The following VAPA variants were observed in gnomAD, a reference collection of about 807,000 sequenced individuals.
The protein encoded by VAPA is vesicle-associated membrane protein-associated protein A.
VAPA carries 6 observed loss-of-function variants against 25.6 expected under a neutral mutation model. The observed-to-expected ratio is 0.23, with a 90% CI of 0.13 to 0.46. VAPA has a LOEUF of 0.46. VAPA is among the 20% of genes least tolerant of loss of function. The pLI, the probability that VAPA is intolerant of heterozygous loss-of-function variation, is 0.99. For missense variants in VAPA, 244 were observed against 302.1 expected (o/e 0.81, Z 1.43); for synonymous variants, 112 against 106.2 (o/e 1.05, Z -0.34).
intron 1 of VAPA, among the ~76,000 whole-genome samples, chr18:9,929,690 T>A (rs928159148): frequency 6.6e-6 from 1 of 152,158 alleles, no homozygotes; most frequent in Non-Finnish European, 1.5e-5. Context: ...CATCAGTACT[T>A]GATAATTTTC....
chr18:9,941,224 G>A (rs945541708), intron 4 of VAPA, among the ~76,000 whole-genome samples: 3 of 152,036 alleles, frequency 2.0e-5, no homozygotes, highest in Admixed American at 1.3e-4. Context: ...CACTGTTGTA[G>A]TATTAACTAC....
intron 1 of VAPA, among the ~76,000 whole-genome samples, chr18:9,927,763 T>C (rs1357907047): frequency 1.3e-5 from 2 of 152,108 alleles, no homozygotes; most frequent in Non-Finnish European, 2.9e-5. Flanking sequence ...TCAGACTTTT[T>C]TACTCAAAGG....
At chr18:9,918,856 T>C (rs1345094982) in intron 1 of VAPA, among the ~76,000 whole-genome samples, 1 of 152,196 alleles carries the variant, frequency 6.6e-6, no homozygotes. Context: ...ACTCAAAATA[T>C]CTCAAAATTT....
chr18:9,952,089 A>C (rs992238753), intron 5 of VAPA, among the ~76,000 whole-genome samples: 5 of 152,126 alleles, frequency 3.3e-5, no homozygotes, highest in Non-Finnish European at 5.9e-5. Context: ...GCCACTGTTT[A>C]CCTCTGGCAG....
Position 9,937,418 on chromosome 18 carries a change from A to G in VAPA, c.417+352A>G, listed in dbSNP as rs568226654. Reference sequence around the variant, plus strand: ...ACATATAAATTGCTTTTTGGCCACTATGTACCGGCAGTTTGGGGATAAATT... The same window carrying G: ...ACATATAAATTGCTTTTTGGCCACTGTGTACCGGCAGTTTGGGGATAAATT... On this transcript the variant is annotated intron_variant, in intron 4 of 5. Coordinates refer to ENST00000400000, the MANE Select transcript of VAPA (RefSeq NM_194434.3). 2.0e-5 allele frequency among the ~76,000 whole-genome samples: 3 copies of G among 152,172 alleles called. No homozygotes were observed. The East Asian group carries it at 5.8e-4, about 29-fold the overall frequency.
intron 4 of VAPA, among the ~76,000 whole-genome samples, chr18:9,945,350 C>CTTTTTTTTTTTTTTTTTTT (rs869048248): frequency 1.7e-5 from 1 of 57,272 alleles, no homozygotes; most frequent in Non-Finnish European, 2.9e-5. Flanking sequence ...GGAATATACT[C>CTTTTTTTTTTTTTTTTTTT]TTTTTTTTTT....
chr18:9,954,244 T>A lies in VAPA; in HGVS notation c.*33T>A. ...CATGCAGAGTGCTGTTTCTTTTTTT[T>A]TTTTTCTCTTGACCAGAAAAAGATT... On this transcript the variant is annotated 3_prime_UTR_variant, in exon 6 of 6. Transcript: ENST00000400000. 6.4e-7 allele frequency: 1 copy of A among 1,563,172 alleles called. No individual in the cohort carries two copies. The highest frequency in any genetic ancestry group is 8.6e-7 in the Non-Finnish European group (1 of 1,160,730).
rs1177830954 is a variant in VAPA at position 9,955,750 on chromosome 18, T to C, written c.*1539T>C. The C allele has an allele frequency of 6.6e-6, 1 of 152,230 alleles. No homozygotes were observed. The highest frequency in any genetic ancestry group is 2.4e-5 in the African/African-American group (1 of 41,458). 9.4% of individuals were successfully genotyped at this position (152,230 alleles called of 1,614,324 possible). A position where few individuals can be genotyped will look rare whatever the true frequency, so the allele number is the denominator to read the frequency against. On this transcript the variant is annotated 3_prime_UTR_variant, in exon 6 of 6. Transcript: ENST00000400000. ...GTCAGATCACACATATATTGTGTTA[T>C]TGGGCGCTGTGGTATCTTTTATAAA...
chr18:9,914,498 G>C (rs1039294430), intron 1 of VAPA, 163 bp downstream of exon 1: 2 of 509,096 alleles, frequency 3.9e-6, no homozygotes, highest in South Asian at 3.8e-5. Context: ...CCGCCACCTC[G>C]GCCGGCCTGC....
intron 4 of VAPA, among the ~76,000 whole-genome samples, chr18:9,943,312 C>T (rs905502086): frequency 2.6e-5 from 4 of 152,046 alleles, no homozygotes; most frequent in African/African-American, 9.7e-5. Context: ...ATAAAGTGCC[C>T]CAGGAAACTT....
intron 4 of VAPA, among the ~76,000 whole-genome samples, chr18:9,942,410 C>T (rs1439676236): frequency 1.3e-5 from 2 of 152,096 alleles, no homozygotes; most frequent in African/African-American, 4.8e-5. Context: ...GTAGAGATAA[C>T]AAGTCTTGAA....
At chr18:9,945,313 G>A (rs11875759) in intron 4 of VAPA, among the ~76,000 whole-genome samples, 5,364 of 143,104 alleles carry the variant, frequency 0.037, 303 homozygotes, top group African/African-American at 0.13. Context: ...TTATGAAGTT[G>A]CTGTAATTTT....
In VAPA at chr18:9,914,081, C is replaced by T. The variant is rs1395529897; in HGVS notation, c.-176C>T. 3 of 536,968 alleles carry T rather than the reference C, an allele frequency of 5.6e-6. No individual in the cohort carries two copies. The highest frequency in any genetic ancestry group is 9.7e-6 in the Non-Finnish European group (3 of 308,186). The allele number at this position is 536,968 out of a possible 1,614,324, so 33.3% of individuals were successfully genotyped here. Reference sequence around the variant, plus strand: ...GTTGAGTCAGTTGTGGGACCCGGAGCTGCTGACCCAGCGGGTGGCCCACCG... The same window carrying T: ...GTTGAGTCAGTTGTGGGACCCGGAGTTGCTGACCCAGCGGGTGGCCCACCG... On this transcript the variant is annotated 5_prime_UTR_variant, in exon 1 of 6. Coordinates refer to ENST00000400000, the MANE Select transcript of VAPA (RefSeq NM_194434.3).
intron 1 of VAPA, chr18:9,915,782 A>G (rs1268203424): frequency 6.6e-6 from 1 of 152,226 alleles, no homozygotes; most frequent in African/African-American, 2.4e-5. Context: ...TGCGTTTACA[A>G]ATTTCTTTGA....
chr18:9,953,527 C>G (rs1173310120), intron 5 of VAPA, among the ~76,000 whole-genome samples: 1 of 152,160 alleles, frequency 6.6e-6, no homozygotes, highest in Admixed American at 6.5e-5. Flanking sequence ...GGCAAGAACA[C>G]CCTTTTGTGC....
At chr18:9,931,616 A>G (rs552131442) in intron 1 of VAPA, among the ~76,000 whole-genome samples, 194 bp from the exon 2 acceptor site, 2 of 152,200 alleles carry the variant, frequency 1.3e-5, no homozygotes, top group African/African-American at 4.8e-5. Context: ...AAATACAGGG[A>G]ATGAAGAAGA....
chr18:9,919,641 C>T (rs1041985535), intron 1 of VAPA, among the ~76,000 whole-genome samples: 3 of 152,126 alleles, frequency 2.0e-5, no homozygotes, highest in African/African-American at 4.8e-5. Context: ...TATCCGGTAG[C>T]AGGAGGGACT....
intron 2 of VAPA, among the ~76,000 whole-genome samples, chr18:9,934,264 C>G (rs2069286022): frequency 6.6e-6 from 1 of 152,126 alleles, no homozygotes; most frequent in Non-Finnish European, 1.5e-5. Flanking sequence ...AATTTGTGCA[C>G]ATTTTTATAT....
intron 4 of VAPA, among the ~76,000 whole-genome samples, chr18:9,940,110 G>T (rs1470723700): frequency 6.6e-6 from 1 of 152,164 alleles, no homozygotes; most frequent in Non-Finnish European, 1.5e-5. Flanking sequence ...ATCCCACCTC[G>T]TGATGTACAG....
Sources: allele counts gnomAD v4.1 joint callset (sites outside exome capture counted in the v4.1 genomes callset), GRCh38; gene constraint gnomAD v4.1.1; transcripts MANE v1.5; gene names NCBI Gene and HGNC (gene_info 2026-07-23, HGNC 2026-07-21).